The following GOLPH3L variants were observed in gnomAD, a reference collection of about 807,000 sequenced individuals.
GOLPH3L encodes the protein Golgi phosphoprotein 3-like.
GOLPH3L carries 22 observed loss-of-function variants against 30.3 expected under a neutral mutation model. That is an observed-to-expected ratio of 0.73 (90% confidence interval 0.52 to 1.04). GOLPH3L has a LOEUF of 1.04. GOLPH3L is among the 50% of genes least tolerant of loss of function. The pLI is 0.00. For missense variants in GOLPH3L, 303 were observed against 345.8 expected (o/e 0.88, Z 0.98); for synonymous variants, 120 against 128.2 (o/e 0.94, Z 0.43).
intron 2 of GOLPH3L, among the ~76,000 whole-genome samples, chr1:150,680,477 C>T (rs1386630495): frequency 6.6e-6 from 1 of 151,826 alleles, no homozygotes; most frequent in African/African-American, 2.4e-5. Context: ...TGTGTGAGGC[C>T]GCTGAAACAA....
In GOLPH3L at chr1:150,654,512, AAAAAAAAC is replaced by A. The variant is rs587628396; in HGVS notation, c.431-5772_431-5765del. On this transcript the variant is annotated intron_variant, in intron 4 of 4. Transcript: ENST00000271732. ...GCAGAGCAAGACATTCCGTTTAAAA[AAAAAAAAC>A]AAAAAAACAAAAAACGAAAAACAAA... 3.5e-3 allele frequency among the ~76,000 whole-genome samples: 540 copies of A among 152,252 alleles called. 7 individuals are homozygous for A. Among genetic ancestry groups the A allele is most frequent in the African/African-American group, 0.012 (506 of 41,526 alleles).
chr1:150,694,555 TAAGA>T (rs1390964131), intron 2 of GOLPH3L, 97 bp downstream of exon 2: 1 of 732,776 alleles, frequency 1.4e-6, no homozygotes, highest in Non-Finnish European at 2.1e-6. Context: ...AGCACAATTC[TAAGA>T]CCAATTTATT....
intron 2 of GOLPH3L, among the ~76,000 whole-genome samples, chr1:150,688,415 C>A (rs1424876599): frequency 6.6e-6 from 1 of 152,122 alleles, no homozygotes; most frequent in Non-Finnish European, 1.5e-5. Context: ...TTTCCTAGAA[C>A]CTGTCTCTTT....
intron 2 of GOLPH3L, among the ~76,000 whole-genome samples, chr1:150,685,829 G>A (rs921570027): frequency 6.6e-6 from 1 of 151,146 alleles, no homozygotes; most frequent in Admixed American, 6.6e-5. Flanking sequence ...CTTTATTTCA[G>A]GAAGAAATAC....
At chr1:150,655,470 A>G (rs12075189) in intron 4 of GOLPH3L, among the ~76,000 whole-genome samples, 2,123 of 152,324 alleles carry the variant, frequency 0.014, 46 homozygotes, top group African/African-American at 0.048. Context: ...GATGCATGAA[A>G]TGGGGCATGT....
chr1:150,665,009 G>T (rs992907962), intron 2 of GOLPH3L, among the ~76,000 whole-genome samples: 1 of 152,048 alleles, frequency 6.6e-6, no homozygotes, highest in African/African-American at 2.4e-5. Flanking sequence ...GTATAAGAGA[G>T]CCACTGGTAT....
chr1:150,663,691 G>T lies in GOLPH3L; in HGVS notation c.256C>A (p.Arg86=), dbSNP rs149790730. Residue 86 remains arginine, a synonymous_variant, in exon 3 of 5, where the codon CGG becomes AGG. Coordinates refer to ENST00000271732, the MANE Select transcript of GOLPH3L (RefSeq NM_018178.6). ...GGGGGTTCCAGATAGATTCGACCCC[G>T]CATGGCCAGCTCTATCAGGATGCCC... The part of the protein sequence containing the change: ...RGGILIELAM[R]GRIYLEPPTM... 4 of 1,613,358 alleles carry T rather than the reference G, an allele frequency of 2.5e-6. No individual in the cohort carries two copies. The highest frequency in any genetic ancestry group is 1.7e-5 in the Admixed American group (1 of 59,984).
chr1:150,651,428 T>A (rs149026128), intron 4 of GOLPH3L, among the ~76,000 whole-genome samples: 14,674 of 152,004 alleles, frequency 0.097, 865 homozygotes, highest in Non-Finnish European at 0.14. Flanking sequence ...GGCAGGCGGA[T>A]TACTTGAAGC....
chr1:150,692,284 GATTT>G (rs1270639533), intron 2 of GOLPH3L, among the ~76,000 whole-genome samples: 1 of 152,012 alleles, frequency 6.6e-6, no homozygotes, highest in Non-Finnish European at 1.5e-5. Context: ...TACACCTAAG[GATTT>G]ATTGTCTTTT....
chr1:150,667,588 T>C (rs889377422), intron 2 of GOLPH3L, among the ~76,000 whole-genome samples: 4 of 144,784 alleles, frequency 2.8e-5, no homozygotes, highest in African/African-American at 1.0e-4. Flanking sequence ...TTTCTTTTTT[T>C]TTCTTTCTTT....
At chr1:150,665,467 C>T (rs975668731) in intron 2 of GOLPH3L, among the ~76,000 whole-genome samples, 4 of 151,982 alleles carry the variant, frequency 2.6e-5, no homozygotes, top group African/African-American at 9.7e-5. Flanking sequence ...GCTCAGACTA[C>T]AGGCATGAGA....
chr1:150,655,315 G>A (rs1352908958), intron 4 of GOLPH3L, among the ~76,000 whole-genome samples: 1 of 152,128 alleles, frequency 6.6e-6, no homozygotes, highest in East Asian at 1.9e-4. Flanking sequence ...ATTTTCCATT[G>A]TGAAGGGCCC....
At position 150,663,096 on chromosome 1, in the gene GOLPH3L, G is replaced by A. The variant is rs71624506; in HGVS notation, c.315+536C>T. 6.0e-3 allele frequency among the ~76,000 whole-genome samples: 904 copies of A among 151,646 alleles called. 3 individuals are homozygous for A. Among genetic ancestry groups the A allele is most frequent in the Non-Finnish European group, 9.6e-3 (649 of 67,924 alleles). ...GTCCCCCAGGCTGGAGTGCAGTGGCGGGATCTTGGCTCACTGCAAGCTCCA... is the reference window on the plus strand; with the variant it reads ...GTCCCCCAGGCTGGAGTGCAGTGGCAGGATCTTGGCTCACTGCAAGCTCCA... On this transcript the variant is annotated intron_variant, in intron 3 of 4. Coordinates refer to ENST00000271732, the MANE Select transcript of GOLPH3L (RefSeq NM_018178.6).
At chr1:150,655,148 A>G (rs1281892396) in intron 4 of GOLPH3L, among the ~76,000 whole-genome samples, 1 of 152,218 alleles carries the variant, frequency 6.6e-6, no homozygotes, top group African/African-American at 2.4e-5. Flanking sequence ...CCTGTGAAAT[A>G]ACTATTCAGG....
chr1:150,686,244 G>A (rs1557789180), intron 2 of GOLPH3L, among the ~76,000 whole-genome samples: 2 of 151,780 alleles, frequency 1.3e-5, no homozygotes, highest in South Asian at 4.2e-4. Flanking sequence ...AGACAGAGTC[G>A]TGCTCTGTGG....
chr1:150,668,111 T>C (rs1417497546), intron 2 of GOLPH3L, among the ~76,000 whole-genome samples: 2 of 152,200 alleles, frequency 1.3e-5, no homozygotes, highest in Non-Finnish European at 2.9e-5. Context: ...ACTTCTCTCA[T>C]AACTTCTATT....
At chr1:150,694,614 T>A (rs587601143) in intron 2 of GOLPH3L, 42 bp downstream of exon 2, 2 of 1,223,304 alleles carry the variant, frequency 1.6e-6, no homozygotes, top group Admixed American at 4.4e-5. Context: ...ATTCCAATAT[T>A]TAATAGTCTT....
intron 2 of GOLPH3L, among the ~76,000 whole-genome samples, chr1:150,672,596 A>G (rs1650672113): frequency 6.6e-6 from 1 of 152,024 alleles, no homozygotes; most frequent in African/African-American, 2.4e-5. Context: ...ACATTCAGTT[A>G]ATTTTTGTAT....
rs1227083247 is a variant in GOLPH3L at position 150,646,233 on chromosome 1, C to G, written c.*2088G>C. 6.6e-6 allele frequency: 1 copy of G among 152,108 alleles called. No individual in the cohort carries two copies. The highest frequency in any genetic ancestry group is 1.5e-5 in the Non-Finnish European group (1 of 68,020). 9.4% of individuals were successfully genotyped at this position (152,108 alleles called of 1,614,324 possible). ...AATTGTGCACAGAGAGACCAGAGAG[C>G]TGATAATTGATCTTTATTATACAGA... On this transcript the variant is annotated 3_prime_UTR_variant, in exon 5 of 5. Transcript: ENST00000271732.
Sources: allele counts gnomAD v4.1 joint callset (sites outside exome capture counted in the v4.1 genomes callset), GRCh38; gene constraint gnomAD v4.1.1; transcripts MANE v1.5; gene names NCBI Gene and HGNC (gene_info 2026-07-23, HGNC 2026-07-21).